SEMA6D: variants seen among roughly 807,000 people sequenced by gnomAD.
SEMA6D encodes semaphorin-6D.
SEMA6D carries 35 observed loss-of-function variants against 106.6 expected under a neutral mutation model. The ratio of observed to expected loss-of-function variants is 0.33; its 90% CI spans 0.25 to 0.44. The LOEUF is 0.44. SEMA6D is among the 20% of genes least tolerant of loss of function. SEMA6D has a pLI of 1.00. For missense variants in SEMA6D, 1,185 were observed against 1,345.9 expected (o/e 0.88, Z 1.87); for synonymous variants, 499 against 487.7 (o/e 1.02, Z -0.31).
At chr15:47,307,331 T>A (rs1329575673) in intron 1 of SEMA6D, among the ~76,000 whole-genome samples, 1 of 152,176 alleles carries the variant, frequency 6.6e-6, no homozygotes, top group Non-Finnish European at 1.5e-5. Context: ...GTCTCGTCAC[T>A]TTTTTGCTAG....
At chr15:47,422,863 G>A (rs1355361271) in intron 2 of SEMA6D, among the ~76,000 whole-genome samples, 1 of 151,878 alleles carries the variant, frequency 6.6e-6, no homozygotes, top group East Asian at 1.9e-4. Flanking sequence ...ATTTTTAATG[G>A]GATGTTATTT....
intron 1 of SEMA6D, among the ~76,000 whole-genome samples, chr15:47,221,286 G>A (rs185299030): frequency 6.6e-6 from 1 of 152,294 alleles, no homozygotes; most frequent in South Asian, 2.1e-4. Flanking sequence ...TGCAGAGCAG[G>A]CCCTCCCCAT....
At position 47,759,919 on chromosome 15, in the gene SEMA6D, C is replaced by G. The variant is rs758842766; in HGVS notation, c.109+12C>G. On this transcript the variant is annotated intron_variant, in intron 2 of 18. Coordinates refer to ENST00000536845, the MANE Select transcript of SEMA6D (RefSeq NM_001358351.3). ...TGTCGACTATCACTGTAAGTCGTCT[C>G]AAGAACAGTCTTCTATTCTGAGAAG... is the stretch of plus-strand genomic sequence containing the variant. 1.3e-6 allele frequency: 2 copies of G among 1,549,962 alleles called. No homozygotes were observed. The highest frequency in any genetic ancestry group is 1.8e-6 in the Non-Finnish European group (2 of 1,121,680).
chr15:47,744,889 T>C (rs1460198033), intron 1 of SEMA6D, among the ~76,000 whole-genome samples: 1 of 152,176 alleles, frequency 6.6e-6, no homozygotes, highest in Non-Finnish European at 1.5e-5. Context: ...AATCATAAAA[T>C]GTCACAACTT....
intron 3 of SEMA6D, among the ~76,000 whole-genome samples, chr15:47,504,944 A>G (rs1345489009): frequency 6.6e-6 from 1 of 152,168 alleles, no homozygotes; most frequent in Non-Finnish European, 1.5e-5. Context: ...CATGGAGAGT[A>G]AAGGCTTGTC....
chr15:47,619,698 G>C (rs1423472517), intron 4 of SEMA6D, among the ~76,000 whole-genome samples: 3 of 152,276 alleles, frequency 2.0e-5, no homozygotes, highest in Middle Eastern at 3.4e-3. Context: ...GCTCGCTAAA[G>C]TCTGAGAATC....
intron 1 of SEMA6D, among the ~76,000 whole-genome samples, chr15:47,190,028 A>G (rs1035862585): frequency 7.9e-5 from 12 of 152,246 alleles, no homozygotes; most frequent in African/African-American, 2.9e-4. Flanking sequence ...GTGCTGGAGT[A>G]AATTCGCATT....
chr15:47,529,943 T>C (rs2044900195), intron 3 of SEMA6D, among the ~76,000 whole-genome samples: 1 of 152,258 alleles, frequency 6.6e-6, no homozygotes, highest in African/African-American at 2.4e-5. Flanking sequence ...TGTTCATTCT[T>C]TGGGTAATAG....
intron 1 of SEMA6D, among the ~76,000 whole-genome samples, chr15:47,255,121 A>G (rs1483615577): frequency 1.3e-5 from 2 of 151,950 alleles, no homozygotes; most frequent in African/African-American, 4.8e-5. Context: ...CAATCTTGTC[A>G]CTTGTTATTG....
chr15:47,751,372 C>A (rs2081424908), intron 1 of SEMA6D, among the ~76,000 whole-genome samples: 1 of 152,150 alleles, frequency 6.6e-6, no homozygotes, highest in Non-Finnish European at 1.5e-5. Context: ...TCTCAACTTA[C>A]CTAAACCCAC....
rs1319504914 is a variant in SEMA6D, at chr15:47,409,186, C to G, written c.-238-3207C>G. Among the ~76,000 whole-genome samples the G allele has an allele frequency of 2.0e-5, 3 of 152,146 alleles. 1 individual carries two copies. The highest frequency in any genetic ancestry group is 4.4e-5 in the Non-Finnish European group (3 of 68,030). ...AAGCTTGTAGACAGCTTTTTCTTGC[C>G]TATCGTACAGCTGTGAGTGTGGGAG... On this transcript the variant is annotated intron_variant, in intron 1 of 19. Transcript: ENST00000558014.
intron 1 of SEMA6D, among the ~76,000 whole-genome samples, chr15:47,319,630 G>C (rs2036846363): frequency 6.6e-6 from 1 of 152,012 alleles, no homozygotes; most frequent in South Asian, 2.1e-4. Flanking sequence ...TTTCAGGTAG[G>C]CTCTGATAAA....
intron 1 of SEMA6D, among the ~76,000 whole-genome samples, chr15:47,317,966 C>T (rs911104024): frequency 5.4e-5 from 8 of 147,390 alleles, no homozygotes; most frequent in African/African-American, 1.7e-4. Flanking sequence ...TTTTTTTCTT[C>T]CCCTTTGGCA....
At chr15:47,322,519 A>G (rs2036962553) in intron 1 of SEMA6D, among the ~76,000 whole-genome samples, 2 of 152,156 alleles carry the variant, frequency 1.3e-5, no homozygotes, top group African/African-American at 4.8e-5. Flanking sequence ...GGTGAGGGAT[A>G]CCACAGAAGT....
chr15:47,768,002 C>T (rs553700227), intron 17 of SEMA6D, among the ~76,000 whole-genome samples: 8 of 152,300 alleles, frequency 5.3e-5, no homozygotes, highest in African/African-American at 1.9e-4. Context: ...TCCCCTCCTT[C>T]GTTGTTTTAC....
intron 1 of SEMA6D, among the ~76,000 whole-genome samples, chr15:47,216,659 A>G (rs1161443757): frequency 1.3e-5 from 2 of 152,156 alleles, no homozygotes; most frequent in African/African-American, 4.8e-5. Context: ...GTAGAAATCA[A>G]TAAGAAAAAA....
intron 3 of SEMA6D, chr15:47,525,349 C>T (rs2044716650): frequency 6.6e-6 from 1 of 152,154 alleles, no homozygotes; most frequent in Admixed American, 6.5e-5. Flanking sequence ...CATGAGACAC[C>T]TTAGAAGGTG....
rs554255613 is a variant in SEMA6D at position 47,346,856 on chromosome 15, C to G, written c.-238-65537C>G. Among the ~76,000 whole-genome samples the G allele has an allele frequency of 1.2e-4, 19 of 152,146 alleles. No homozygotes were observed. In the East Asian group the frequency reaches 3.7e-3, roughly 29 times the overall value. ...TGACTGTATAATTGATGACAACTTG[C>G]AATCCTACTATGGGTTTTGTGATTC... On this transcript the variant is annotated intron_variant, in intron 1 of 19. Coordinates refer to the SEMA6D transcript ENST00000558014.
At chr15:47,265,019 T>C (rs2034253092) in intron 1 of SEMA6D, among the ~76,000 whole-genome samples, 1 of 152,066 alleles carries the variant, frequency 6.6e-6, no homozygotes, top group African/African-American at 2.4e-5. Context: ...TTTGCTAGAA[T>C]CTTCTTGAGG....
Sources: allele counts gnomAD v4.1 joint callset (sites outside exome capture counted in the v4.1 genomes callset), GRCh38; gene constraint gnomAD v4.1.1; transcripts MANE v1.5; gene names NCBI Gene and HGNC (gene_info 2026-07-23, HGNC 2026-07-21).